The following MCM4 variants were observed in gnomAD, a reference collection of about 807,000 sequenced individuals.
MCM4 encodes the protein DNA replication licensing factor MCM4.
A neutral mutation model predicts 88.7 loss-of-function variants in MCM4; 60 were observed. The observed-to-expected ratio is 0.68, with a 90% CI of 0.55 to 0.84. The LOEUF (loss-of-function observed/expected upper bound fraction) is 0.84. Ranked by LOEUF, MCM4 falls within the 40% of genes least tolerant of loss-of-function variation. The pLI, the probability that MCM4 is intolerant of heterozygous loss-of-function variation, is 0.00. For synonymous variants in MCM4, 465 were observed against 410.5 expected (o/e 1.13, Z -1.61); for missense variants, 1,149 against 1,105.5 (o/e 1.04, Z -0.56).
At chr8:47,961,972 T>A in intron 3 of MCM4, 81 bp from the exon 4 acceptor site, 1 of 1,298,642 alleles carries the variant, frequency 7.7e-7, no homozygotes, top group Non-Finnish European at 1.1e-6. Context: ...CTGTTGCGAT[T>A]AGATGGTATA....
At chr8:47,962,718 G>A (rs1415801707) in intron 5 of MCM4, 46 bp from the exon 6 acceptor site, 2 of 1,124,112 alleles carry the variant, frequency 1.8e-6, no homozygotes, top group South Asian at 2.8e-5. Flanking sequence ...GTAGTTGCCT[G>A]TTCCCAAATG....
intron 5 of MCM4, 23 bp downstream of exon 5, chr8:47,962,429 C>A (rs764856938): frequency 9.9e-6 from 16 of 1,609,658 alleles, no homozygotes; most frequent in Non-Finnish European, 1.4e-5. Context: ...TATTAAAATT[C>A]TTACTTTGGG....
At chr8:47,965,593 T>C (rs898533265) in intron 8 of MCM4, among the ~76,000 whole-genome samples, 2 of 152,150 alleles carry the variant, frequency 1.3e-5, no homozygotes, top group African/African-American at 4.8e-5. Context: ...GGGAAATTAG[T>C]TGCGGGCAGT....
rs753494052 is a variant in MCM4 at position 47,962,321 on chromosome 8, T to C, written c.416T>C (p.Ile139Thr). 6.2e-6 allele frequency: 10 copies of C among 1,614,066 alleles called. No individual in the cohort carries two copies. The highest frequency in any genetic ancestry group is 1.7e-5 in the Admixed American group (1 of 60,002). The change falls in exon 5 of 17, where the codon ATA (isoleucine) becomes ACA (threonine). Residue 139 changes from isoleucine (I) to threonine (T), a missense_variant. Ile to Thr is a moderately conservative substitution (Grantham distance 89). Around this residue, in one of 3 missense-constraint regions of MCM4, gnomAD observed 906 missense variants for 843.0 expected, o/e 1.07. Coordinates refer to ENST00000649973, the MANE Select transcript of MCM4 (RefSeq NM_182746.3). ...LQSDGAAAED[I>T]VASEQSLGQK... ...TCTGTGTAGGCAGCAGCAGAAGATA[T>C]AGTGGCAAGTGAGCAGTCTCTAGGC...
chr8:47,971,006 CAT>C, intron 12 of MCM4, 130 bp downstream of exon 12: 1 of 1,107,734 alleles, frequency 9.0e-7, no homozygotes, highest in African/African-American at 1.6e-5. Flanking sequence ...CTTTCCACAT[CAT>C]ATTTCAGCTA....
Position 47,962,208 on chromosome 8 carries a change from T to G in MCM4, c.391T>G (p.Ser131Ala). Residue 131 changes from serine to alanine, a missense_variant, in exon 4 of 17, where the codon TCT becomes GCT. This residue lies in a region of MCM4 where 906 missense variants were observed against 843.0 expected (regional missense o/e 1.07). Coordinates refer to ENST00000649973, the MANE Select transcript of MCM4 (RefSeq NM_182746.3). ...GAAGGGCCTGCAAGTGGATCTGCAG[T>G]CTGACGGGGTGAGTATGCAGTCTCC... ...AQKGLQVDLQ[S>A]DGAAAEDIVA... 2 of 1,614,172 alleles carry G rather than the reference T, an allele frequency of 1.2e-6. No individual in the cohort carries two copies. Among genetic ancestry groups the G allele is most frequent in the Non-Finnish European group, 1.7e-6 (2 of 1,180,016 alleles).
At chr8:47,965,701 G>T (rs1021293639) in intron 8 of MCM4, among the ~76,000 whole-genome samples, 1 of 152,212 alleles carries the variant, frequency 6.6e-6, no homozygotes, top group Non-Finnish European at 1.5e-5. Flanking sequence ...GGGTTCTCCT[G>T]TGTGGATAAT....
In MCM4 at chr8:47,973,029, C is replaced by CT; in HGVS notation, c.2101_2102insT (p.Arg701LeufsTer4). 6.2e-7 allele frequency: 1 copy of CT among 1,613,900 alleles called. No homozygotes were observed. Among genetic ancestry groups the CT allele is most frequent in the Middle Eastern group, 1.7e-4 (1 of 5,946 alleles). ...CTACGCGCACAGCACCATCATGCCG[C>CT]GGCTAAGTGAGGAAGCCAGCCAGGC... On this transcript the variant is annotated frameshift_variant, in exon 14 of 17. Transcript: ENST00000649973. LOFTEE classifies it high-confidence loss of function.
rs1312065989 is a variant in MCM4 at position 47,974,751 on chromosome 8, G to A, written c.2154G>A (p.Arg718=). ...QALIEAYVDM[R]KIGSSRGMVS... ...TACAATAGGCTTATGTAGACATGAG[G>A]AAGATTGGCAGTAGCCGGGGAATGG... The change falls in exon 15 of 17, where the codon AGG becomes AGA. Residue 718 remains arginine, a synonymous_variant. Coordinates refer to ENST00000649973, the MANE Select transcript of MCM4 (RefSeq NM_182746.3). 17 of 1,614,184 alleles carry A rather than the reference G, an allele frequency of 1.1e-5. No individual in the cohort carries two copies. The highest frequency in any genetic ancestry group is 1.4e-5 in the Non-Finnish European group (16 of 1,179,992).
chr8:47,973,114 T>C, intron 14 of MCM4, 50 bp downstream of exon 14: 1 of 1,424,366 alleles, frequency 7.0e-7, no homozygotes, highest in South Asian at 1.2e-5. Flanking sequence ...ACAGCATTAA[T>C]GTAACTGACC....
Position 47,967,734 on chromosome 8 carries a change from C to T in MCM4, c.1174+249C>T, listed in dbSNP as rs918463597. Among the ~76,000 whole-genome samples, 4 of 152,142 alleles carry T rather than the reference C, an allele frequency of 2.6e-5. No individual in the cohort carries two copies. In the East Asian group the frequency reaches 5.8e-4, roughly 22 times the overall value. ...GGAGCTCATGGTTCGTGTGGTCACT[C>T]GCCTCTTGATACCTCAGTATCCTGG... On this transcript the variant is annotated intron_variant, in intron 10 of 16. Coordinates refer to ENST00000649973, the MANE Select transcript of MCM4 (RefSeq NM_182746.3).
chr8:47,967,554 T>C, intron 10 of MCM4, 69 bp downstream of exon 10: 1 of 1,595,254 alleles, frequency 6.3e-7, no homozygotes, highest in Non-Finnish European at 8.6e-7. Context: ...CTTTAGTGAG[T>C]CATTGGACTT....
At position 47,966,236 on chromosome 8, in the gene MCM4, G is replaced by A. The variant is rs777745708; in HGVS notation, c.882G>A (p.Gln294=). The A allele has an allele frequency of 8.7e-6, 14 of 1,613,992 alleles. No homozygotes were observed. Among genetic ancestry groups the A allele is most frequent in the African/African-American group, 2.7e-5 (2 of 74,922 alleles). The stretch of plus-strand genomic sequence containing the variant: ...GCGGCATGGTGATCAGGACATCCCA[G>A]CTGATTCCCGAGATGCAGGAGGCCT... The part of the protein sequence containing the change: ...TISGMVIRTS[Q]LIPEMQEAFF... Residue 294 remains glutamine (Q), a synonymous_variant, in exon 9 of 17, where the codon CAG becomes CAA. Coordinates refer to ENST00000649973, the MANE Select transcript of MCM4 (RefSeq NM_182746.3).
intron 11 of MCM4, 116 bp from the exon 12 acceptor site, chr8:47,970,395 C>T: frequency 7.5e-7 from 1 of 1,337,560 alleles, no homozygotes; most frequent in South Asian, 1.4e-5. Flanking sequence ...TTTATACCTT[C>T]CTGTGATTTC....
rs775056163 is a variant in MCM4 at position 47,961,604 on chromosome 8, C to T, written c.159C>T (p.Thr53=). 3.8e-5 allele frequency: 61 copies of T among 1,614,082 alleles called. No homozygotes were observed. The East Asian group carries it at 1.3e-3, about 34-fold the overall frequency. Residue 53 remains threonine (T), a synonymous_variant, in exon 3 of 17, where the codon ACC becomes ACT. Transcript: ENST00000649973. ...TSTGELQPMP[T]SPGVDLQSPA... is the part of the protein sequence containing the mutation. ...CGGGGGAGTTGCAGCCGATGCCAAC[C>T]TCGCCTGGAGTGGACCTGCAGAGCC...
rs749963415 is a variant in MCM4, at chr8:47,962,461, G to A, written c.501+55G>A. On this transcript the variant is annotated intron_variant, in intron 5 of 16. Coordinates refer to ENST00000649973, the MANE Select transcript of MCM4 (RefSeq NM_182746.3). Reference sequence around the variant, plus strand: ...TGGGCTCTGAAAATGTTGGGAGACCGTGTTTATAATCTATATCTAAGTAGC... The same window carrying A: ...TGGGCTCTGAAAATGTTGGGAGACCATGTTTATAATCTATATCTAAGTAGC... The A allele has an allele frequency of 4.8e-4, 737 of 1,546,344 alleles. No homozygotes were observed. In the Middle Eastern group the frequency reaches 6.4e-3, roughly 13 times the overall value.
rs1402265983 is a variant in MCM4, at chr8:47,969,997, T to C, written c.1374T>C (p.Ile458=). The change falls in exon 11 of 17, where the codon ATT becomes ATC. Residue 458 remains isoleucine (I), a synonymous_variant. Transcript: ENST00000649973. Reference sequence around the variant, plus strand: ...AGGAACTTTCCAGGAAACCAGACATTTATGAGAGGCTTGCTTCAGCCTTGG... The same window carrying C: ...AGGAACTTTCCAGGAAACCAGACATCTATGAGAGGCTTGCTTCAGCCTTGG... ...LLKELSRKPD[I]YERLASALAP... The C allele has an allele frequency of 1.2e-6, 2 of 1,614,194 alleles. No homozygotes were observed. The highest frequency in any genetic ancestry group is 1.7e-6 in the Non-Finnish European group (2 of 1,180,016).
intron 16 of MCM4, 76 bp from the exon 17 acceptor site, chr8:47,976,607 CATT>C (rs563422979): frequency 8.0e-5 from 83 of 1,031,752 alleles, no homozygotes; most frequent in Non-Finnish European, 1.1e-4. Flanking sequence ...GGTACTTTAA[CATT>C]ATAATTATTG....
chr8:47,964,510 A>G (rs1416860150), intron 7 of MCM4, 64 bp from the exon 8 acceptor site: 1 of 1,296,656 alleles, frequency 7.7e-7, no homozygotes, highest in African/African-American at 1.5e-5. Flanking sequence ...CTAATCTGAC[A>G]TGCCTTTATT....
Sources: allele counts gnomAD v4.1 joint callset (sites outside exome capture counted in the v4.1 genomes callset), GRCh38; gene constraint gnomAD v4.1.1; regional missense constraint gnomAD v4.1.1; transcripts MANE v1.5; gene names NCBI Gene and HGNC (gene_info 2026-07-23, HGNC 2026-07-21).